The following DZANK1 variants were observed in gnomAD, a reference collection of about 807,000 sequenced individuals.
DZANK1 encodes the protein double zinc ribbon and ankyrin repeat domains 1, also known as double zinc ribbon and ankyrin repeat-containing protein 1.
Under a neutral mutation model 94.5 loss-of-function variants are expected in DZANK1, and 91 were observed. That is an observed-to-expected ratio of 0.96 (90% CI 0.81 to 1.15). The LOEUF (loss-of-function observed/expected upper bound fraction) is 1.15, where lower values mean the gene tolerates loss of function less well. Among genes scored for constraint, DZANK1 ranks in the 50% most tolerant of loss-of-function variants. The pLI is 0.00. For synonymous variants in DZANK1, 312 were observed against 325.3 expected, an observed-to-expected ratio of 0.96 and a Z score of 0.44; for missense variants, 903 against 916.4, an observed-to-expected ratio of 0.99 and a Z score of 0.19.
exon 9 of DZANK1, chr20:18,433,712 A>G (rs6035042): frequency 0.88 from 1,416,844 of 1,613,874 alleles, 623,897 homozygotes; most frequent in South Asian, 0.96. Context: ...CACACACCAC[A>G]CAGATGGGAG....
intron 4 of DZANK1, among the ~76,000 whole-genome samples, chr20:18,454,835 A>G (rs1054383519): frequency 1.3e-5 from 2 of 152,254 alleles, no homozygotes; most frequent in Admixed American, 6.5e-5. Context: ...AGTTTATAAA[A>G]GAAGGCCTGG....
At chr20:18,427,082 C>A in exon 10 of DZANK1, 9 of 1,611,448 alleles carry the variant, frequency 5.6e-6, no homozygotes, top group Non-Finnish European at 6.8e-6. Context: ...GTGATGAAGG[C>A]AGGGCCCCCT....
At chr20:18,403,036 G>T (rs2056766339) in intron 13 of DZANK1, among the ~76,000 whole-genome samples, 1 of 152,126 alleles carries the variant, frequency 6.6e-6, no homozygotes, top group Non-Finnish European at 1.5e-5. Flanking sequence ...AGTACACAGG[G>T]CTCCCTCTCC....
intron 13 of DZANK1, among the ~76,000 whole-genome samples, chr20:18,402,412 A>C (rs1034861227): frequency 2.6e-5 from 4 of 152,150 alleles, no homozygotes; most frequent in African/African-American, 9.7e-5. Flanking sequence ...TTTAACTGGT[A>C]CATGACCTTT....
rs1555877408 is a variant in DZANK1, at chr20:18,438,233, A to AAG, written c.748-4469_748-4468insCT. Reference sequence around the variant, plus strand: ...GACTCTGTCTCAAAAAAAAAAAAAAAAAAAAAGAAATAACACAAAAGAAAG... The same window carrying AAG: ...GACTCTGTCTCAAAAAAAAAAAAAAAAGAAAAAAGAAATAACACAAAAGAAAG... On this transcript the variant is annotated intron_variant, in intron 8 of 20. Transcript: ENST00000262547. Among the ~76,000 whole-genome samples, 292 of 124,252 alleles carry AAG rather than the reference A, an allele frequency of 2.4e-3. 7 individuals are homozygous for AAG. Among genetic ancestry groups the AAG allele is most frequent in the Admixed American group, 0.019 (243 of 12,926 alleles). The allele number at this position is 124,252 out of a possible 152,430, so 81.5% of individuals were successfully genotyped here.
chr20:18,395,939 A>G (rs2148248282), intron 15 of DZANK1, among the ~76,000 whole-genome samples: 1 of 152,334 alleles, frequency 6.6e-6, no homozygotes, highest in Non-Finnish European at 1.5e-5. Flanking sequence ...GCACCTTGCC[A>G]GGGCCTAATA....
intron 10 of DZANK1, 51 bp from the exon 11 acceptor site, chr20:18,415,500 T>C: frequency 7.5e-7 from 1 of 1,325,412 alleles, no homozygotes; most frequent in Non-Finnish European, 9.7e-7. Flanking sequence ...TATTCTCTAA[T>C]CCCCCTCCCA....
chr20:18,424,154 TG>T (rs1246635292), intron 10 of DZANK1, among the ~76,000 whole-genome samples: 1 of 152,098 alleles, frequency 6.6e-6, no homozygotes, highest in Non-Finnish European at 1.5e-5. Flanking sequence ...ATGATTAAAA[TG>T]ATTGGTGATA....
At chr20:18,424,766 C>T (rs2057960776) in intron 10 of DZANK1, among the ~76,000 whole-genome samples, 2 of 152,116 alleles carry the variant, frequency 1.3e-5, no homozygotes, top group Admixed American at 1.3e-4. Context: ...GCATGTAATG[C>T]AGCATTATTC....
chr20:18,448,893 G>T, intron 7 of DZANK1, 91 bp downstream of exon 7: 2 of 1,100,828 alleles, frequency 1.8e-6, no homozygotes, highest in East Asian at 2.4e-5. Flanking sequence ...AAAAGTTGGA[G>T]GTGGGCAAAA....
In DZANK1 at chr20:18,449,939, G is replaced by A. The variant is rs144009456; in HGVS notation, c.544-870C>T. Among the ~76,000 whole-genome samples the A allele has an allele frequency of 3.9e-3, 598 of 151,688 alleles. 7 individuals are homozygous for A. The South Asian group carries it at 0.044, about 11-fold the overall frequency. On this transcript the variant is annotated intron_variant, in intron 6 of 20. Coordinates refer to ENST00000262547, the Ensembl canonical transcript of DZANK1. ...ACTAAAAATACAAAATTAGCAGGGT[G>A]TGGTGGCGCATGCCTATAATCCCAG...
At chr20:18,410,180 T>A (rs565556036) in intron 13 of DZANK1, among the ~76,000 whole-genome samples, 14 of 152,280 alleles carry the variant, frequency 9.2e-5, no homozygotes, top group African/African-American at 3.4e-4. Flanking sequence ...GTTCTTTTTT[T>A]AAAAGACATC....
chr20:18,436,055 T>C (rs2058509424), intron 8 of DZANK1, among the ~76,000 whole-genome samples: 1 of 152,048 alleles, frequency 6.6e-6, no homozygotes, highest in South Asian at 2.1e-4. Context: ...GGAAAAATAG[T>C]CAATAGTCCA....
At chr20:18,447,996 G>T (rs1049803355) in intron 7 of DZANK1, among the ~76,000 whole-genome samples, 4 of 152,106 alleles carry the variant, frequency 2.6e-5, no homozygotes, top group Admixed American at 6.5e-5. Context: ...TTATTTTATT[G>T]TATCTGTTAA....
intron 6 of DZANK1, among the ~76,000 whole-genome samples, chr20:18,450,927 T>G (rs776673919): frequency 1.1e-4 from 16 of 152,190 alleles, no homozygotes; most frequent in Non-Finnish European, 1.5e-4. Context: ...AAGAATGCAC[T>G]GATATGCCTT....
At chr20:18,444,364 C>G (rs1186960918) in intron 7 of DZANK1, among the ~76,000 whole-genome samples, 1 of 152,216 alleles carries the variant, frequency 6.6e-6, no homozygotes, top group Non-Finnish European at 1.5e-5. Flanking sequence ...TGTAATCTGA[C>G]TATCTCATTC....
At chr20:18,446,014 C>G (rs2058865299) in intron 7 of DZANK1, among the ~76,000 whole-genome samples, 1 of 151,252 alleles carries the variant, frequency 6.6e-6, no homozygotes, top group African/African-American at 2.4e-5. Context: ...ATCCTCCCAC[C>G]TCAGCTTCCC....
At chr20:18,447,913 A>G (rs1296792954) in intron 7 of DZANK1, among the ~76,000 whole-genome samples, 2 of 152,164 alleles carry the variant, frequency 1.3e-5, no homozygotes, top group Non-Finnish European at 2.9e-5. Context: ...TATACCTATC[A>G]TATTCCTCTT....
intron 6 of DZANK1, among the ~76,000 whole-genome samples, chr20:18,450,452 T>C (rs1159648261): frequency 3.3e-5 from 5 of 152,252 alleles, no homozygotes; most frequent in Admixed American, 3.3e-4. Flanking sequence ...AGTGGTGGTC[T>C]ATTAGGCAAA....
Sources: gnomAD v4.1 joint callset for allele counts (sites outside exome capture counted in the v4.1 genomes callset) on GRCh38, gnomAD v4.1.1 for gene constraint, MANE v1.5 for transcripts, NCBI Gene and HGNC (gene_info 2026-07-23, HGNC 2026-07-21) for gene names.